Variants in SASH1 observed in about 807,000 individuals in gnomAD.
SASH1 encodes SAM and SH3 domain-containing protein 1.
Under a neutral mutation model 125.2 loss-of-function variants are expected in SASH1, and 44 were observed. That is an observed-to-expected ratio of 0.35 (90% CI 0.28 to 0.45). The LOEUF (loss-of-function observed/expected upper bound fraction) is 0.45, where lower values mean the gene tolerates loss of function less well. Among genes scored for constraint, SASH1 ranks in the 20% least tolerant of loss-of-function variants. SASH1 has a pLI of 1.00. For synonymous variants in SASH1, 639 were observed against 649.1 expected, an observed-to-expected ratio of 0.98 and a Z score of 0.24; for missense variants, 1,426 against 1,614.5, an observed-to-expected ratio of 0.88 and a Z score of 2.00.
chr6:148,204,211 G>A, the SASH1 span, among the ~76,000 whole-genome samples: 3 of 152,192 alleles, frequency 2.0e-5, no homozygotes, highest in South Asian at 2.1e-4. Flanking sequence ...ATTTGAATGC[G>A]GTTTGCAGAA....
chr6:148,326,968 G>A (rs1395736242), intron 1 of SASH1, among the ~76,000 whole-genome samples: 1 of 152,028 alleles, frequency 6.6e-6, no homozygotes, highest in Non-Finnish European at 1.5e-5. Flanking sequence ...TTTTCCTTTT[G>A]CCTTGAAAAT....
chr6:148,465,711 A>G (rs1328813444), intron 4 of SASH1, among the ~76,000 whole-genome samples: 1 of 152,172 alleles, frequency 6.6e-6, no homozygotes, highest in African/African-American at 2.4e-5. Flanking sequence ...CATGACTTGA[A>G]GTGCAAAGTA....
intron 8 of SASH1, among the ~76,000 whole-genome samples, chr6:148,499,283 A>G (rs947666957): frequency 6.6e-6 from 1 of 151,884 alleles, no homozygotes; most frequent in Non-Finnish European, 1.5e-5. Context: ...TCTTTGTACC[A>G]CACCACACTA....
At chr6:148,355,007 C>T (rs1390295056) in intron 1 of SASH1, among the ~76,000 whole-genome samples, 1 of 152,192 alleles carries the variant, frequency 6.6e-6, no homozygotes, top group Non-Finnish European at 1.5e-5. Context: ...GATCCACCCA[C>T]CTCTGCCTCC....
intron 1 of SASH1, 62 bp downstream of exon 1, chr6:148,343,285 G>T: frequency 4.0e-6 from 6 of 1,483,012 alleles, no homozygotes; most frequent in Non-Finnish European, 5.5e-6. Flanking sequence ...CTCTGAAACC[G>T]GGGGCTCCCT....
intron 1 of SASH1, among the ~76,000 whole-genome samples, chr6:148,307,985 C>T (rs537137385): frequency 2.0e-5 from 3 of 152,238 alleles, no homozygotes; most frequent in South Asian, 2.1e-4. Context: ...GCAGAAAACA[C>T]GGAAGAGAGA....
chr6:148,316,176 C>A (rs1473473713), intron 1 of SASH1, among the ~76,000 whole-genome samples: 1 of 152,102 alleles, frequency 6.6e-6, no homozygotes, highest in East Asian at 1.9e-4. Flanking sequence ...AGTCAGAGTG[C>A]AATGTTTACA....
chr6:148,291,745 A>C (rs2128509008), intron 1 of SASH1, among the ~76,000 whole-genome samples: 1 of 152,326 alleles, frequency 6.6e-6, no homozygotes. Flanking sequence ...TAAAAAAAGA[A>C]ATGCTGTTTT....
At chr6:148,241,517 G>A in the SASH1 span, among the ~76,000 whole-genome samples, 1 of 152,130 alleles carries the variant, frequency 6.6e-6, no homozygotes, top group African/African-American at 2.4e-5. Context: ...TAGACCCCTT[G>A]AATTGTGTCT....
intron 1 of SASH1, among the ~76,000 whole-genome samples, chr6:148,288,556 T>C (rs1440837712): frequency 6.6e-6 from 1 of 152,240 alleles, no homozygotes; most frequent in Non-Finnish European, 1.5e-5. Context: ...TTACTTCTTA[T>C]CTACCTCATG....
chr6:148,336,359 G>T (rs4896992), intron 1 of SASH1, among the ~76,000 whole-genome samples: 1 of 151,382 alleles, frequency 6.6e-6, no homozygotes, highest in African/African-American at 2.4e-5. Context: ...TGTATTTTTA[G>T]TAGAAACGGG....
chr6:148,467,647 A>G (rs182324344), intron 4 of SASH1, among the ~76,000 whole-genome samples: 15 of 152,290 alleles, frequency 9.8e-5, no homozygotes, highest in Admixed American at 9.2e-4. Flanking sequence ...ATAAAAATAC[A>G]GATTTCTGGC....
At chr6:148,463,913 G>A (rs185917579) in intron 4 of SASH1, among the ~76,000 whole-genome samples, 14 of 152,182 alleles carry the variant, frequency 9.2e-5, no homozygotes, top group African/African-American at 2.4e-4. Flanking sequence ...CTCTGCAGTC[G>A]CCCTTCTTGA....
At chr6:148,240,649 A>G in the SASH1 span, among the ~76,000 whole-genome samples, 1 of 152,212 alleles carries the variant, frequency 6.6e-6, no homozygotes, top group East Asian at 1.9e-4. Flanking sequence ...CCCTCATACC[A>G]CATGCATTTC....
intron 8 of SASH1, among the ~76,000 whole-genome samples, chr6:148,510,251 A>T (rs1780040560): frequency 6.6e-6 from 1 of 152,178 alleles, no homozygotes; most frequent in Non-Finnish European, 1.5e-5. Flanking sequence ...TGGAAATCAA[A>T]TGTTTCTGTT....
chr6:148,499,823 A>G (rs1051312039), intron 8 of SASH1, among the ~76,000 whole-genome samples: 1 of 152,176 alleles, frequency 6.6e-6, no homozygotes, highest in African/African-American at 2.4e-5. Flanking sequence ...CTTCTAGGGT[A>G]TAGATTCTAT....
At chr6:148,226,788 T>C in the SASH1 span, among the ~76,000 whole-genome samples, 1 of 152,166 alleles carries the variant, frequency 6.6e-6, no homozygotes, top group Non-Finnish European at 1.5e-5. Flanking sequence ...TTCCGGTATC[T>C]TTCTCTTTTT....
the SASH1 span, among the ~76,000 whole-genome samples, chr6:148,248,125 C>A: frequency 6.6e-6 from 1 of 152,198 alleles, no homozygotes; most frequent in Non-Finnish European, 1.5e-5. Flanking sequence ...TTTAACATTT[C>A]TTTTACAATC....
At chr6:148,534,071 T>C (rs1052432172) in intron 15 of SASH1, 91 bp downstream of exon 15, 1 of 1,128,132 alleles carries the variant, frequency 8.9e-7, no homozygotes, top group Non-Finnish European at 1.3e-6. Context: ...TAGGGTAGGG[T>C]TGGGGCTGAT....
Sources: gnomAD v4.1 joint callset for allele counts (sites outside exome capture counted in the v4.1 genomes callset) on GRCh38, gnomAD v4.1.1 for gene constraint, MANE v1.5 for transcripts, NCBI Gene and HGNC (gene_info 2026-07-23, HGNC 2026-07-21) for gene names.